RNF180: variants seen among roughly 807,000 people sequenced by gnomAD.
RNF180 encodes the protein ring finger protein 180.
RNF180 carries 38 observed loss-of-function variants against 59.2 expected under a neutral mutation model. That is an observed-to-expected ratio of 0.64 (90% CI 0.50 to 0.84). The LOEUF is 0.84. Among genes scored for constraint, RNF180 ranks in the 40% least tolerant of loss-of-function variants. RNF180 has a pLI of 0.00. For missense variants in RNF180, 705 were observed against 700.9 expected (o/e 1.01, Z -0.07); for synonymous variants, 262 against 240.3 (o/e 1.09, Z -0.84).
intron 1 of RNF180, among the ~76,000 whole-genome samples, chr5:64,190,797 A>T (rs1214953404): frequency 3.9e-5 from 6 of 152,224 alleles, no homozygotes; most frequent in Admixed American, 1.3e-4. Flanking sequence ...GCTGTCTGCA[A>T]GCCAAAATGA....
chr5:64,308,743 A>G (rs1477866402), intron 5 of RNF180, among the ~76,000 whole-genome samples: 1 of 151,776 alleles, frequency 6.6e-6, no homozygotes, highest in Non-Finnish European at 1.5e-5. Flanking sequence ...GTAACTTAAA[A>G]TTGGAATATG....
At chr5:64,362,114 G>T (rs1164636383) in intron 7 of RNF180, among the ~76,000 whole-genome samples, 1 of 151,050 alleles carries the variant, frequency 6.6e-6, no homozygotes, top group Non-Finnish European at 1.5e-5. Context: ...AGGTTCATGG[G>T]TACATGTGCA....
rs80165065 is a variant in RNF180, at chr5:64,269,766, A to G, written c.1227+52370A>G. On this transcript the variant is annotated intron_variant, in intron 5 of 7. Transcript: ENST00000389100. The stretch of plus-strand genomic sequence containing the variant: ...ATTTTTGAAGTAAAGCTGATTTTCA[A>G]TGGAGTACCAAACATTTTGGCATGT... Among the ~76,000 whole-genome samples the G allele has an allele frequency of 2.0e-3, 298 of 152,232 alleles. 1 individual carries two copies. The highest frequency in any genetic ancestry group is 6.8e-3 in the African/African-American group (282 of 41,540).
chr5:64,300,978 C>G (rs1299940072), intron 5 of RNF180, among the ~76,000 whole-genome samples: 1 of 151,664 alleles, frequency 6.6e-6, no homozygotes, highest in African/African-American at 2.4e-5. Context: ...CCAGGAGCTC[C>G]TGCCTCACTC....
chr5:64,288,655 A>G (rs534560131), intron 5 of RNF180, among the ~76,000 whole-genome samples: 2 of 152,202 alleles, frequency 1.3e-5, no homozygotes, highest in Non-Finnish European at 2.9e-5. Context: ...CTTTGTAGCA[A>G]TTGTGAATGG....
At chr5:64,288,714 G>A (rs1348620741) in intron 5 of RNF180, among the ~76,000 whole-genome samples, 1 of 152,134 alleles carries the variant, frequency 6.6e-6, no homozygotes, top group African/African-American at 2.4e-5. Flanking sequence ...TGGTTTATAG[G>A]AATGCTAGTG....
intron 5 of RNF180, among the ~76,000 whole-genome samples, chr5:64,233,475 A>C (rs1742219210): frequency 6.6e-6 from 1 of 152,262 alleles, no homozygotes. Context: ...TGAGAAACAT[A>C]ATTACAAATG....
chr5:64,315,734 CAAAA>C (rs869200360), intron 5 of RNF180, among the ~76,000 whole-genome samples: 2 of 53,066 alleles, frequency 3.8e-5, no homozygotes, highest in African/African-American at 5.5e-5. Context: ...GTAACTGTCT[CAAAA>C]AAAAAAAAAA....
At chr5:64,199,404 G>A (rs942967497) in intron 1 of RNF180, among the ~76,000 whole-genome samples, 15 of 151,968 alleles carry the variant, frequency 9.9e-5, no homozygotes, top group Admixed American at 2.6e-4. Context: ...AGATTCCCTC[G>A]GGTAATTTTT....
chr5:64,190,611 T>C (rs570625833), intron 1 of RNF180, among the ~76,000 whole-genome samples: 30 of 152,246 alleles, frequency 2.0e-4, no homozygotes, highest in African/African-American at 6.5e-4. Context: ...CCTAAATCCA[T>C]ATGTTGAAGT....
In RNF180 at chr5:64,207,646, C is replaced by G. The variant is rs532501353; in HGVS notation, c.136-4419C>G. 1.1e-4 allele frequency among the ~76,000 whole-genome samples: 16 copies of G among 152,098 alleles called. No homozygotes were observed. In the East Asian group the frequency reaches 1.9e-3, roughly 18 times the overall value. On this transcript the variant is annotated intron_variant, in intron 2 of 7. Transcript: ENST00000389100. ...GTGTGAAGAGTGAATTAGAAAGGTA[C>G]CAAGAATTGAGGCAGGGAGCCTGTT...
At chr5:64,326,403 C>CTA (rs1744647117) in intron 6 of RNF180, among the ~76,000 whole-genome samples, 1 of 152,098 alleles carries the variant, frequency 6.6e-6, no homozygotes, top group Admixed American at 6.5e-5. Flanking sequence ...ACATTGCTTA[C>CTA]TATAGTGACT....
At chr5:64,216,767 A>C (rs920293805) in intron 4 of RNF180, among the ~76,000 whole-genome samples, 1 of 152,208 alleles carries the variant, frequency 6.6e-6, no homozygotes, top group African/African-American at 2.4e-5. Flanking sequence ...CTTTGGGGAA[A>C]GACGTAGCAC....
intron 7 of RNF180, among the ~76,000 whole-genome samples, chr5:64,365,760 T>G (rs1746425425): frequency 6.6e-6 from 1 of 151,708 alleles, no homozygotes; most frequent in South Asian, 2.1e-4. Flanking sequence ...TTATCTTTGT[T>G]GGTTTAAAGT....
chr5:64,176,873 A>G (rs1750265341), intron 1 of RNF180, among the ~76,000 whole-genome samples: 1 of 152,192 alleles, frequency 6.6e-6, no homozygotes, highest in Non-Finnish European at 1.5e-5. Flanking sequence ...GAAAAAATGT[A>G]TCCTAGAGGC....
At chr5:64,361,890 A>AT (rs1470947439) in intron 7 of RNF180, among the ~76,000 whole-genome samples, 2 of 151,390 alleles carry the variant, frequency 1.3e-5, no homozygotes, top group Non-Finnish European at 3.0e-5. Flanking sequence ...TGTACCATGC[A>AT]TTTTAAATGG....
At chr5:64,319,235 C>T (rs1744219512) in intron 5 of RNF180, among the ~76,000 whole-genome samples, 2 of 151,458 alleles carry the variant, frequency 1.3e-5, no homozygotes, top group South Asian at 4.2e-4. Context: ...AGTCCTCGGC[C>T]ACATGCTTGT....
chr5:64,309,089 C>T (rs1379986027), intron 5 of RNF180, among the ~76,000 whole-genome samples: 1 of 151,644 alleles, frequency 6.6e-6, no homozygotes, highest in African/African-American at 2.4e-5. Flanking sequence ...TTTCCTCCAA[C>T]ATTAATAGAT....
At position 64,282,576 on chromosome 5, in the gene RNF180, G is replaced by A. The variant is rs1283177108; in HGVS notation, c.1228-42610G>A. On this transcript the variant is annotated intron_variant, in intron 5 of 7. Coordinates refer to ENST00000389100, the MANE Select transcript of RNF180 (RefSeq NM_001113561.2). ...GATTTTGGTTATTTATTGTCTTCTA[G>A]CTTTGGAGTTGTTTTGCTGTTATTT... Among the ~76,000 whole-genome samples the A allele has an allele frequency of 3.9e-5, 6 of 152,178 alleles. No individual in the cohort carries two copies. The East Asian group carries it at 7.7e-4, about 20-fold the overall frequency.
Sources: gnomAD v4.1 joint callset for allele counts (sites outside exome capture counted in the v4.1 genomes callset) on GRCh38, gnomAD v4.1.1 for gene constraint, MANE v1.5 for transcripts, NCBI Gene and HGNC (gene_info 2026-07-23, HGNC 2026-07-21) for gene names.